SMTN: variants seen among roughly 807,000 people sequenced by gnomAD.
SMTN encodes smoothelin.
A neutral mutation model predicts 102.0 loss-of-function variants in SMTN; 58 were observed. That is an observed-to-expected ratio of 0.57 (90% CI 0.46 to 0.71). The LOEUF is 0.71. SMTN is among the 30% of genes least tolerant of loss of function. SMTN has a pLI of 0.00. For synonymous variants in SMTN, 478 were observed against 497.9 expected, an observed-to-expected ratio of 0.96 and a Z score of 0.53; for missense variants, 1,185 against 1,241.7, an observed-to-expected ratio of 0.95 and a Z score of 0.69.
In SMTN at chr22:31,095,585, C is replaced by T. The variant is rs147067065; in HGVS notation, c.1837C>T (p.Arg613Cys). 4.6e-5 allele frequency: 75 copies of T among 1,613,554 alleles called. No homozygotes were observed. Among genetic ancestry groups the T allele is most frequent in the Non-Finnish European group, 5.5e-5 (65 of 1,179,864 alleles). ...EERKLIRAALRELRQRKRDQR... is the reference protein window; with the variant it reads ...EERKLIRAALCELRQRKRDQR... ...GCGGAAGCTCATCCGGGCTGCACTT[C>T]GTGAGCTCCGACAAAGGAAGAGAGG... The change falls in exon 13 of 21, where the codon CGT becomes TGT. Residue 613 changes from arginine to cysteine, a missense_variant. Physicochemically the swap from Arg to Cys is radical, Grantham distance 180. This residue lies in a region of SMTN where 1,096 missense variants were observed against 1,112.7 expected (regional missense o/e 0.98). Transcript: ENST00000333137. This position sits in a 1 kb window ranked among gnomAD's most constrained non-coding sequence, Gnocchi z 4.1.
chr22:31,067,940 G>C (rs1296158588), intron 1 of SMTN: 1 of 152,298 alleles, frequency 6.6e-6, no homozygotes, highest in East Asian at 1.9e-4. Flanking sequence ...AGGCCAAGGT[G>C]GGCAGATCCC....
chr22:31,102,946 AC>A (rs1436980723), intron 20 of SMTN: 1 of 152,258 alleles, frequency 6.6e-6, no homozygotes, highest in East Asian at 1.9e-4. Context: ...CAGACCCAGA[AC>A]CCTCTCACTC....
chr22:31,087,949 C>T lies in SMTN; in HGVS notation c.52-16C>T. The T allele has an allele frequency of 6.4e-7, 1 of 1,573,748 alleles. No homozygotes were observed. On this transcript the variant is annotated splice_polypyrimidine_tract_variant and intron_variant, in intron 2 of 20. Coordinates refer to ENST00000333137, the MANE Select transcript of SMTN (RefSeq NM_134269.3). ...CCCTGGCAGCCAAAATGACCTGCCT[C>T]TCGCACCCACTGCAGCTGGAGGTCA...
chr22:31,103,203 G>A (rs989765135), intron 20 of SMTN: 16 of 152,206 alleles, frequency 1.1e-4, no homozygotes, highest in Non-Finnish European at 1.8e-4. Flanking sequence ...CGAGATGGGA[G>A]GTGGTCTTGG....
At chr22:31,075,870 TG>T (rs2042115934) in intron 1 of SMTN, among the ~76,000 whole-genome samples, 1 of 152,230 alleles carries the variant, frequency 6.6e-6, no homozygotes, top group Admixed American at 6.5e-5. Flanking sequence ...GGCCTCGCTC[TG>T]TCGCCCAGGC....
At chr22:31,092,792 AC>A (rs1012243597) in intron 11 of SMTN, among the ~76,000 whole-genome samples, 2 of 152,146 alleles carry the variant, frequency 1.3e-5, no homozygotes, top group African/African-American at 4.8e-5. Flanking sequence ...GCCTCAGTTT[AC>A]CCATCTGGAA....
rs1295676105 is a variant in SMTN, at chr22:31,096,884, G to A, written c.2013G>A (p.Arg671=). Residue 671 remains arginine (R), a synonymous_variant, in exon 14 of 21, where the codon CGG becomes CGA. Coordinates refer to ENST00000333137, the MANE Select transcript of SMTN (RefSeq NM_134269.3). ...SAVSTVTKTE[R]LVHSNDGTRT... ...TCAGCACTGTTACCAAGACTGAGCG[G>A]CTCGTCCACTCCAGTAAGGGGCCAA... The A allele has an allele frequency of 1.3e-6, 2 of 1,589,250 alleles. No homozygotes were observed. Among genetic ancestry groups the A allele is most frequent in the Admixed American group, 1.7e-5 (1 of 58,288 alleles).
rs1602628822 is a variant in SMTN at position 31,090,793 on chromosome 22, T to C, written c.866-15T>C. 3.1e-6 allele frequency: 5 copies of C among 1,607,426 alleles called. No homozygotes were observed. Among genetic ancestry groups the C allele is most frequent in the Non-Finnish European group, 4.3e-6 (5 of 1,174,316 alleles). Reference sequence around the variant, plus strand: ...CTTTCCCCACATGGCCATCACCCCCTCCCCAACCTGCCAGACGTGGCTGGA... The same window carrying C: ...CTTTCCCCACATGGCCATCACCCCCCCCCCAACCTGCCAGACGTGGCTGGA... On this transcript the variant is annotated splice_polypyrimidine_tract_variant and intron_variant, in intron 8 of 20. Transcript: ENST00000333137.
At position 31,091,482 on chromosome 22, in the gene SMTN, G is replaced by A; in HGVS notation, c.1459G>A (p.Glu487Lys). 6.6e-7 allele frequency: 1 copy of A among 1,518,384 alleles called. No individual in the cohort carries two copies. Among genetic ancestry groups the A allele is most frequent in the Non-Finnish European group, 8.8e-7 (1 of 1,136,692 alleles). 94.1% of individuals were successfully genotyped at this position (1,518,384 alleles called of 1,614,324 possible). The change falls in exon 10 of 21, where the codon GAA (glutamate) becomes AAA (lysine). Residue 487 changes from glutamate to lysine, a missense_variant and splice_region_variant. By Grantham distance (56) the Glu-to-Lys change is moderately conservative (BLOSUM62 1). Around this residue, in one of 2 missense-constraint regions of SMTN, gnomAD observed 1,096 missense variants for 1,112.7 expected, o/e 0.98. Transcript: ENST00000333137. The stretch of plus-strand genomic sequence containing the variant: ...GCTGCCCACAGGCAACCAGAGGGCA[G>A]GTAGGCGCCCCCCACTGCCTCCCCA... ...VLLPTGNQRA[E>K]LTLGLRAPPT...
intron 11 of SMTN, among the ~76,000 whole-genome samples, chr22:31,092,975 C>G (rs2043247163): frequency 6.6e-6 from 1 of 152,248 alleles, no homozygotes; most frequent in Non-Finnish European, 1.5e-5. Context: ...TTCCAGCTGT[C>G]TAAAACAGCT....
intron 11 of SMTN, chr22:31,093,740 G>C: frequency 6.9e-7 from 1 of 1,444,958 alleles, no homozygotes; most frequent in Admixed American, 1.7e-5. Context: ...CTGGAGCCCA[G>C]CGAGCTGCTC....
At chr22:31,104,058 G>C (rs1030422874) in intron 20 of SMTN, 49 of 513,578 alleles carry the variant, frequency 9.5e-5, no homozygotes, top group African/African-American at 8.9e-4. Context: ...GCAGACCCAG[G>C]ACCTGCCTGA....
intron 11 of SMTN, chr22:31,093,438 C>G (rs1168284403): frequency 5.7e-6 from 3 of 527,798 alleles, no homozygotes; most frequent in African/African-American, 3.8e-5. Context: ...ATAGAGTCCC[C>G]ACCAGCACCA....
At chr22:31,092,221 G>A (rs1057471013) in intron 11 of SMTN, among the ~76,000 whole-genome samples, 7 of 152,140 alleles carry the variant, frequency 4.6e-5, no homozygotes, top group African/African-American at 7.2e-5. Flanking sequence ...GTGCCCCTGC[G>A]CCCACCCACA....
chr22:31,070,743 T>A (rs11705352), intron 1 of SMTN, among the ~76,000 whole-genome samples: 34,884 of 150,980 alleles, frequency 0.23, 5,288 homozygotes, highest in African/African-American at 0.43. Context: ...GGCCAACATC[T>A]TGAAACCCCG....
chr22:31,100,168 C>A (rs1333072864), intron 19 of SMTN, among the ~76,000 whole-genome samples: 4 of 152,112 alleles, frequency 2.6e-5, no homozygotes, highest in African/African-American at 9.7e-5. Context: ...CCCCTCCATC[C>A]TCCCTCTGCC....
At chr22:31,078,933 C>A (rs181932912), upstream of SMTN, among the ~76,000 whole-genome samples, 1 of 152,276 alleles carries the variant, frequency 6.6e-6, no homozygotes, top group Non-Finnish European at 1.5e-5. Flanking sequence ...TACACCACTT[C>A]CCTAAGAAGT....
chr22:31,075,312 G>A (rs540956379), intron 1 of SMTN, among the ~76,000 whole-genome samples: 1 of 152,130 alleles, frequency 6.6e-6, no homozygotes, highest in Non-Finnish European at 1.5e-5. Context: ...TGCCAAGGAG[G>A]GACAGTGTGC....
chr22:31,094,358 G>A (rs758880882), intron 11 of SMTN, among the ~76,000 whole-genome samples: 1 of 152,220 alleles, frequency 6.6e-6, no homozygotes, highest in Non-Finnish European at 1.5e-5. Context: ...TAGAGGTCTT[G>A]GCTCAGGGCA....
Sources: allele counts gnomAD v4.1 joint callset (sites outside exome capture counted in the v4.1 genomes callset), GRCh38; gene constraint gnomAD v4.1.1; regional missense constraint gnomAD v4.1.1; non-coding constraint Gnocchi (gnomAD v3.1); transcripts MANE v1.5; gene names NCBI Gene and HGNC (gene_info 2026-07-23, HGNC 2026-07-21).